TMED8: variants seen among roughly 807,000 people sequenced by gnomAD.
The protein encoded by TMED8 is protein TMED8.
TMED8 carries 15 observed loss-of-function variants against 32.7 expected under a neutral mutation model. The ratio of observed to expected loss-of-function variants is 0.46; its 90% CI spans 0.31 to 0.71. TMED8 has a LOEUF of 0.71. Among genes scored for constraint, TMED8 ranks in the 30% least tolerant of loss-of-function variants. The probability of loss-of-function intolerance (pLI) is 0.06; values close to 1 mark genes in which losing one functional copy is unlikely to be tolerated. For synonymous variants in TMED8, 147 were observed against 161.4 expected (o/e 0.91, Z 0.68); for missense variants, 390 against 423.9 (o/e 0.92, Z 0.70).
chr14:77,352,560 G>T (rs566328391), intron 1 of TMED8, among the ~76,000 whole-genome samples: 25 of 152,102 alleles, frequency 1.6e-4, no homozygotes, highest in African/African-American at 5.5e-4. Context: ...CCAACATGGC[G>T]AAACCATGTC....
At position 77,341,319 on chromosome 14, in the gene TMED8, C is replaced by T. The variant is rs1390742062; in HGVS notation, c.*452G>A. On this transcript the variant is annotated 3_prime_UTR_variant, in exon 6 of 6. Coordinates refer to ENST00000216468, the MANE Select transcript of TMED8 (RefSeq NM_213601.3). ...AGCTTTCTCCAACCAAAAGATGGGG[C>T]TCCTTCATGGGCAATGTGCTTTTCC... 1 of 175,486 alleles carries T rather than the reference C, an allele frequency of 5.7e-6. No homozygotes were observed. The highest frequency in any genetic ancestry group is 1.2e-5 in the Non-Finnish European group (1 of 81,998). 10.9% of individuals were successfully genotyped at this position (175,486 alleles called of 1,614,324 possible). A position where few individuals can be genotyped will look rare whatever the true frequency, so the allele number is the denominator to read the frequency against.
intron 1 of TMED8, among the ~76,000 whole-genome samples, chr14:77,364,250 G>C (rs975809110): frequency 6.6e-6 from 1 of 151,948 alleles, no homozygotes; most frequent in African/African-American, 2.4e-5. Flanking sequence ...ACCCAGGCTG[G>C]AGTGTAGTGT....
intron 1 of TMED8, chr14:77,359,701 T>C (rs1349089305): frequency 7.3e-6 from 2 of 275,194 alleles, no homozygotes; most frequent in East Asian, 1.2e-4. Flanking sequence ...CCATGGTTGT[T>C]AGATGTCTGA....
intron 2 of TMED8, among the ~76,000 whole-genome samples, chr14:77,350,385 C>G (rs1189283753): frequency 6.6e-6 from 1 of 152,196 alleles, no homozygotes; most frequent in Non-Finnish European, 1.5e-5. Flanking sequence ...GTACCTAGAA[C>G]AGTATCAGGT....
rs771951623 is a variant in TMED8 at position 77,343,330 on chromosome 14, C to T, written c.608G>A (p.Arg203His). The part of the protein sequence containing the change: ...IRVPTHPEGK[R>H]VCWEFATDDY... ...ATCGGTCGCAAACTCCCAGCAGACA[C>T]GCTTCCCCTCTGGATGAGTAGGTAC... The change falls in exon 5 of 6, where the codon CGT (arginine) becomes CAT (histidine). Residue 203 changes from arginine (R) to histidine (H), a missense_variant. By Grantham distance (29) the Arg-to-His change is conservative. Coordinates refer to ENST00000216468, the MANE Select transcript of TMED8 (RefSeq NM_213601.3). 4.3e-6 allele frequency: 7 copies of T among 1,614,062 alleles called. No homozygotes were observed. Among genetic ancestry groups the T allele is most frequent in the Non-Finnish European group, 5.9e-6 (7 of 1,180,032 alleles).
intron 2 of TMED8, among the ~76,000 whole-genome samples, chr14:77,351,452 G>A (rs562055189): frequency 6.7e-5 from 9 of 135,000 alleles, no homozygotes; most frequent in East Asian, 4.4e-4. Flanking sequence ...TAGTAGAGAC[G>A]GGGTTTCACT....
chr14:77,347,519 C>G (rs776343394), intron 2 of TMED8, among the ~76,000 whole-genome samples: 1 of 152,250 alleles, frequency 6.6e-6, no homozygotes, highest in Non-Finnish European at 1.5e-5. Context: ...TCTCCTGCCT[C>G]AGCCTCCCGA....
At chr14:77,344,136 C>A (rs985001513) in intron 3 of TMED8, among the ~76,000 whole-genome samples, 3 of 152,240 alleles carry the variant, frequency 2.0e-5, no homozygotes, top group African/African-American at 7.2e-5. Flanking sequence ...TTTGCATTGA[C>A]TGTGATTCTG....
At chr14:77,348,468 C>T (rs190297097) in intron 2 of TMED8, among the ~76,000 whole-genome samples, 2 of 152,260 alleles carry the variant, frequency 1.3e-5, no homozygotes, top group East Asian at 3.9e-4. Flanking sequence ...CGTGATCCAC[C>T]CACCTTGGCC....
In TMED8 at chr14:77,376,800, C is replaced by T; in HGVS notation, c.118+136G>A. 4.7e-6 allele frequency: 2 copies of T among 422,276 alleles called. No homozygotes were observed. Among genetic ancestry groups the T allele is most frequent in the Non-Finnish European group, 7.8e-6 (2 of 255,026 alleles). 26.2% of individuals were successfully genotyped at this position (422,276 alleles called of 1,614,324 possible). A position where few individuals can be genotyped will look rare whatever the true frequency, so the allele number is the denominator to read the frequency against. ...GTGGTGGCAGCGGCGGGGAAGGGGC[C>T]CCGCGCGCGAAGGGGCTGCCGAGGT... On this transcript the variant is annotated intron_variant, in intron 1 of 5. Transcript: ENST00000216468. This position sits in a 1 kb window ranked among gnomAD's most constrained non-coding sequence, Gnocchi z 4.0.
chr14:77,367,203 C>T (rs370601754), intron 1 of TMED8, among the ~76,000 whole-genome samples: 1 of 135,342 alleles, frequency 7.4e-6, no homozygotes, highest in Admixed American at 8.1e-5. Context: ...GATCACACCA[C>T]TGCACTCCAG....
chr14:77,343,653 A>T, intron 4 of TMED8, 44 bp downstream of exon 4: 1 of 1,608,750 alleles, frequency 6.2e-7, no homozygotes, highest in Non-Finnish European at 8.5e-7. Context: ...TTCTTTGAGT[A>T]TCTACTGGAA....
rs1184977584 is a variant in TMED8 at position 77,341,096 on chromosome 14, G to C, written c.*675C>G. ...CAGTTTTTCTTCCCACAAGATCTTA[G>C]GTTACATTGATCATCACTTGAGATT... On this transcript the variant is annotated 3_prime_UTR_variant, in exon 6 of 6. Coordinates refer to ENST00000216468, the MANE Select transcript of TMED8 (RefSeq NM_213601.3). 6.6e-6 allele frequency: 1 copy of C among 152,276 alleles called. No individual in the cohort carries two copies. Among genetic ancestry groups the C allele is most frequent in the Admixed American group, 6.5e-5 (1 of 15,270 alleles). The allele number at this position is 152,276 out of a possible 1,614,324, so 9.4% of individuals were successfully genotyped here.
chr14:77,353,439 G>GTTT lies in TMED8; in HGVS notation c.119-1691_119-1689dup, dbSNP rs71303874. Among the ~76,000 whole-genome samples the GTTT allele has an allele frequency of 2.7e-3, 349 of 127,480 alleles. 4 individuals are homozygous for GTTT. The highest frequency in any genetic ancestry group is 9.8e-3 in the African/African-American group (337 of 34,366). 83.6% of individuals were successfully genotyped at this position (127,480 alleles called of 152,430 possible). A position where few individuals can be genotyped will look rare whatever the true frequency, so the allele number is the denominator to read the frequency against. On this transcript the variant is annotated intron_variant, in intron 1 of 5. Coordinates refer to ENST00000216468, the MANE Select transcript of TMED8 (RefSeq NM_213601.3). ...GATCTATTTTTCTTTTCTTTTCTTT[G>GTTT]TTTTTTTTTTTTTTTTGGAGGGGGA... is the stretch of plus-strand genomic sequence containing the variant.
chr14:77,338,300 C>A lies in TMED8; in HGVS notation c.*3471G>T, dbSNP rs1043907414. The A allele has an allele frequency of 1.3e-5, 2 of 152,172 alleles. No homozygotes were observed. Among genetic ancestry groups the A allele is most frequent in the African/African-American group, 2.4e-5 (1 of 41,446 alleles). The allele number at this position is 152,172 out of a possible 1,614,324, so 9.4% of individuals were successfully genotyped here. A position where few individuals can be genotyped will look rare whatever the true frequency, so the allele number is the denominator to read the frequency against. ...TGTCTCTTGTGGGGGAAACTGCATTCTGTAGAGAATCTCCTTCTCTTATTA... is the reference window on the plus strand; with the variant it reads ...TGTCTCTTGTGGGGGAAACTGCATTATGTAGAGAATCTCCTTCTCTTATTA... On this transcript the variant is annotated 3_prime_UTR_variant, in exon 6 of 6. Coordinates refer to ENST00000216468, the MANE Select transcript of TMED8 (RefSeq NM_213601.3).
At chr14:77,360,781 C>T (rs1893417922) in intron 1 of TMED8, among the ~76,000 whole-genome samples, 1 of 152,144 alleles carries the variant, frequency 6.6e-6, no homozygotes, top group Admixed American at 6.6e-5. Flanking sequence ...ACAATGGCTG[C>T]ATCATCTACA....
rs756067835 is a variant in TMED8, at chr14:77,343,379, G to A, written c.559C>T (p.Arg187Cys). The stretch of plus-strand genomic sequence containing the variant: ...ACCCGGATGGTCACCACCTCACCAC[G>A]CTTCACCACCAGACGGCTGTTCTTC... ...KEKNSRLVVKRGEVVTIRVPT... is the reference protein window; with the variant it reads ...KEKNSRLVVKCGEVVTIRVPT... The change falls in exon 5 of 6, where the codon CGT becomes TGT. Residue 187 changes from arginine to cysteine, a missense_variant. Coordinates refer to ENST00000216468, the MANE Select transcript of TMED8 (RefSeq NM_213601.3). 9.9e-6 allele frequency: 16 copies of A among 1,613,952 alleles called. No individual in the cohort carries two copies. Among genetic ancestry groups the A allele is most frequent in the African/African-American group, 1.3e-5 (1 of 74,894 alleles).
intron 3 of TMED8, among the ~76,000 whole-genome samples, chr14:77,345,968 C>CA (rs370981070): frequency 0.38 from 28,764 of 76,524 alleles, 5,725 homozygotes; most frequent in Middle Eastern, 0.49. Flanking sequence ...GACCCTGTCT[C>CA]AAAAAAAAAA....
intron 2 of TMED8, among the ~76,000 whole-genome samples, chr14:77,349,614 ACTTC>A (rs1307329544): frequency 6.6e-6 from 1 of 151,970 alleles, no homozygotes; most frequent in African/African-American, 2.4e-5. Context: ...TTAACTGAAG[ACTTC>A]CTTCCTGCAG....
Sources: gnomAD v4.1 joint callset for allele counts (sites outside exome capture counted in the v4.1 genomes callset) on GRCh38, gnomAD v4.1.1 for gene constraint, Gnocchi (gnomAD v3.1) non-coding constraint, MANE v1.5 for transcripts, NCBI Gene and HGNC (gene_info 2026-07-23, HGNC 2026-07-21) for gene names.